Variants in STS observed in about 807,000 individuals in gnomAD.
The protein encoded by STS is steryl-sulfatase.
In STS, 7 loss-of-function variants were observed where a neutral mutation model predicts 26.8. The ratio of observed to expected loss-of-function variants is 0.26; its 90% CI spans 0.15 to 0.49. STS has a LOEUF of 0.49. Among genes scored for constraint, STS ranks in the 20% least tolerant of loss-of-function variants. STS has a pLI of 0.98. For missense variants in STS, 434 were observed against 465.6 expected (o/e 0.93, Z 0.63); for synonymous variants, 199 against 189.4 (o/e 1.05, Z -0.42).
chrX:7,239,818 A>G (rs1354046945), intron 2 of STS, among the ~76,000 whole-genome samples: 1 of 110,179 alleles, frequency 9.1e-6, no homozygotes, highest in African/African-American at 3.3e-5. Flanking sequence ...CTTGTAGGAA[A>G]GAAAAAGCAA....
rs111564086 is a variant in STS, at chrX:7,348,104, G to A, written c.1364-1784G>A. Among the ~76,000 whole-genome samples the A allele has an allele frequency of 2.7e-3, 303 of 111,607 alleles. 1 individual carries two copies. The highest frequency in any genetic ancestry group is 9.6e-3 in the African/African-American group (295 of 30,698). On this transcript the variant is annotated intron_variant, in intron 10 of 10. Transcript: ENST00000674429. ...CGCAGAATCAGCTATGCCACAGACTGCAGTCGTCTCATTATGAATCTTCTT... is the reference window on the plus strand; with the variant it reads ...CGCAGAATCAGCTATGCCACAGACTACAGTCGTCTCATTATGAATCTTCTT...
intron 8 of STS, among the ~76,000 whole-genome samples, chrX:7,315,056 A>G (rs181184532): frequency 4.8e-4 from 54 of 112,648 alleles, no homozygotes; most frequent in Admixed American, 2.9e-3. Context: ...GAGGTTAGAC[A>G]TAGGAATTTG....
At chrX:7,288,632 T>C (rs1925255697) in intron 7 of STS, among the ~76,000 whole-genome samples, 1 of 89,919 alleles carries the variant, frequency 1.1e-5, no homozygotes, top group Non-Finnish European at 2.2e-5. Flanking sequence ...GTGGAGGAAA[T>C]TCTGTACGTG....
intron 1 of STS, among the ~76,000 whole-genome samples, chrX:7,156,031 G>A (rs1334138877): frequency 9.1e-6 from 1 of 109,708 alleles, no homozygotes; most frequent in Non-Finnish European, 1.9e-5. Context: ...TGCACCTGTT[G>A]TCCCAGCTAC....
intron 1 of STS, among the ~76,000 whole-genome samples, chrX:7,172,678 T>A (rs1476731640): frequency 9.0e-6 from 1 of 111,642 alleles, no homozygotes; most frequent in East Asian, 2.9e-4. Flanking sequence ...CATGGAAGCA[T>A]GTGGGGTATG....
chrX:7,325,909 G>A (rs1451839324), intron 9 of STS, among the ~76,000 whole-genome samples: 1 of 112,247 alleles, frequency 8.9e-6, no homozygotes, highest in African/African-American at 3.2e-5. Context: ...GGCCCTCTCT[G>A]GAACGGGGGT....
At chrX:7,176,205 C>G (rs761520111) in intron 1 of STS, among the ~76,000 whole-genome samples, 23 of 111,885 alleles carry the variant, frequency 2.1e-4, no homozygotes, top group Admixed American at 1.9e-3. Context: ...GGTAATTTGG[C>G]CAATATCCCA....
At chrX:7,188,450 T>G (rs1933813746) in intron 1 of STS, among the ~76,000 whole-genome samples, 1 of 112,185 alleles carries the variant, frequency 8.9e-6, no homozygotes. Context: ...ACCAAACCTG[T>G]TTCTACATAT....
intron 2 of STS, among the ~76,000 whole-genome samples, chrX:7,224,933 T>C (rs1431728016): frequency 8.9e-6 from 1 of 112,292 alleles, no homozygotes; most frequent in Non-Finnish European, 1.9e-5. Flanking sequence ...CTCTCTTCCC[T>C]GTAATTTTCT....
chrX:7,254,783 C>T (rs1923324471), intron 3 of STS, among the ~76,000 whole-genome samples: 1 of 109,567 alleles, frequency 9.1e-6, no homozygotes, highest in Non-Finnish European at 1.9e-5. Context: ...TGGGGTTTCA[C>T]TATGTTGGCC....
intron 2 of STS, chrX:7,219,660 G>C: frequency 1.7e-6 from 2 of 1,211,719 alleles, no homozygotes; most frequent in Non-Finnish European, 2.2e-6. Flanking sequence ...CCCAACAACA[G>C]GATCACAAGC....
At chrX:7,212,820 C>T (rs188296552) in intron 2 of STS, among the ~76,000 whole-genome samples, 1 of 112,196 alleles carries the variant, frequency 8.9e-6, no homozygotes. Flanking sequence ...TTTATGCTTG[C>T]TGTGTGTCTA....
chrX:7,236,178 A>G (rs1922303084), intron 2 of STS, among the ~76,000 whole-genome samples: 2 of 112,047 alleles, frequency 1.8e-5, no homozygotes, highest in South Asian at 3.7e-4. Context: ...TTGCAAAATT[A>G]TAACTGAGAC....
chrX:7,215,403 G>T (rs1339117672), intron 2 of STS, among the ~76,000 whole-genome samples: 2 of 110,119 alleles, frequency 1.8e-5, no homozygotes, highest in East Asian at 5.7e-4. Flanking sequence ...TAAATGTGGG[G>T]ACCCTCTAAG....
Position 7,276,330 on chromosome X carries a change from G to A in STS, c.943+243G>A, listed in dbSNP as rs777348343. ...CAAAAAATAAAAAAAAATCAGCCAG[G>A]TGTGGTGGTACATGCCTGTGGTCCC... On this transcript the variant is annotated intron_variant, in intron 7 of 10. Coordinates refer to ENST00000674429, the MANE Select transcript of STS (RefSeq NM_001320752.2). Among the ~76,000 whole-genome samples the A allele has an allele frequency of 9.7e-4, 108 of 111,091 alleles. 1 individual carries two copies. Among genetic ancestry groups the A allele is most frequent in the Non-Finnish European group, 6.2e-4 (33 of 53,029 alleles).
chrX:7,246,284 C>T (rs754239996), intron 2 of STS, among the ~76,000 whole-genome samples: 9 of 99,261 alleles, frequency 9.1e-5, no homozygotes, highest in African/African-American at 2.3e-4. Context: ...TTTTTTGAGA[C>T]AGAGTCTCGC....
At chrX:7,193,962 T>C (rs1175930723) in intron 2 of STS, among the ~76,000 whole-genome samples, 1 of 111,578 alleles carries the variant, frequency 9.0e-6, no homozygotes, top group Admixed American at 9.5e-5. Flanking sequence ...GGAAGTGCAG[T>C]GGCACAATCT....
intron 2 of STS, among the ~76,000 whole-genome samples, chrX:7,209,578 A>AG (rs1920980999): frequency 9.4e-6 from 1 of 106,838 alleles, no homozygotes; most frequent in Admixed American, 1.0e-4. Context: ...ATTTAAAAAA[A>AG]TATTTATTTT....
At chrX:7,315,632 G>A (rs779229672) in intron 8 of STS, among the ~76,000 whole-genome samples, 2 of 111,564 alleles carry the variant, frequency 1.8e-5, no homozygotes, top group Admixed American at 9.5e-5. Context: ...GTCTGTGGTC[G>A]AAGGTCCGAG....
Sources: gnomAD v4.1 joint callset for allele counts (sites outside exome capture counted in the v4.1 genomes callset) on GRCh38, gnomAD v4.1.1 for gene constraint, MANE v1.5 for transcripts, NCBI Gene and HGNC (gene_info 2026-07-23, HGNC 2026-07-21) for gene names.